Variants in ZNF233 observed in about 807,000 individuals in gnomAD.
The protein encoded by ZNF233 is zinc finger protein 233.
In ZNF233, 7 loss-of-function variants were observed where a neutral mutation model predicts 11.6. The observed-to-expected ratio is 0.60, with a 90% CI of 0.34 to 1.13. The LOEUF is 1.13. ZNF233 is among the 50% of genes most tolerant of loss of function. ZNF233 has a pLI of 0.03. For missense variants in ZNF233, 711 were observed against 785.5 expected, an observed-to-expected ratio of 0.91 and a Z score of 1.13; for synonymous variants, 226 against 268.5, an observed-to-expected ratio of 0.84 and a Z score of 1.55.
intron 4 of ZNF233, chr19:44,267,545 C>A: frequency 5.7e-6 from 2 of 349,152 alleles, no homozygotes; most frequent in East Asian, 4.0e-5. Context: ...TGTATATATA[C>A]ATGTTTTTTT....
Position 44,260,736 on chromosome 19 carries a change from C to T in ZNF233, c.-48+798C>T, listed in dbSNP as rs1974915597. Among the ~76,000 whole-genome samples, 3 of 152,120 alleles carry T rather than the reference C, an allele frequency of 2.0e-5. No individual in the cohort carries two copies. The East Asian group carries it at 5.8e-4, about 29-fold the overall frequency. On this transcript the variant is annotated intron_variant, in intron 1 of 4. Coordinates refer to ENST00000683810, the MANE Select transcript of ZNF233 (RefSeq NM_001207005.2). ...ACCCCCTGGCTCTTGGTAACATTGT[C>T]CCAACGTGAGAGGACTTAATATATG...
chr19:44,264,512 T>C (rs1975015826), intron 2 of ZNF233, 137 bp downstream of exon 2: 2 of 751,064 alleles, frequency 2.7e-6, no homozygotes, highest in Non-Finnish European at 4.1e-6. Context: ...TGATTTTCGA[T>C]TGGTTCAATT....
At chr19:44,267,759 C>T (rs1975131369) in intron 4 of ZNF233, 1 of 210,900 alleles carries the variant, frequency 4.7e-6, no homozygotes, top group Admixed American at 5.9e-5. Flanking sequence ...ATCCTCTTGG[C>T]TCCCAGCCTA....
chr19:44,274,718 T>C lies in ZNF233; in HGVS notation c.*45T>C. The C allele has an allele frequency of 7.0e-7, 1 of 1,438,800 alleles. No individual in the cohort carries two copies. The highest frequency in any genetic ancestry group is 9.4e-7 in the Non-Finnish European group (1 of 1,066,646). The allele number at this position is 1,438,800 out of a possible 1,614,324, so 89.1% of individuals were successfully genotyped here. A position where few individuals can be genotyped will look rare whatever the true frequency, so the allele number is the denominator to read the frequency against. On this transcript the variant is annotated 3_prime_UTR_variant, in exon 5 of 5. Transcript: ENST00000683810. ...CATGATGAGTGTGATAGGGGTGCTC[T>C]TCAAGACTTAGACTTCCCATTTTCC...
Position 44,273,799 on chromosome 19 carries a change from A to T in ZNF233, c.1139A>T (p.His380Leu), listed in dbSNP as rs1248764956. 10 of 1,613,900 alleles carry T rather than the reference A, an allele frequency of 6.2e-6. No homozygotes were observed. The highest frequency in any genetic ancestry group is 7.6e-6 in the Non-Finnish European group (9 of 1,179,990). Reference sequence around the variant, plus strand: ...TGTGGCAGGTGTGGGAAGGGCTTCCATCATAGCTTAGATTTTGACATTCAC... The same window carrying T: ...TGTGGCAGGTGTGGGAAGGGCTTCCTTCATAGCTTAGATTTTGACATTCAC... ...CTCGRCGKGF[H>L]HSLDFDIHCV... The change falls in exon 5 of 5, where the codon CAT becomes CTT. Residue 380 changes from histidine (H) to leucine (L), a missense_variant. Physicochemically the swap from His to Leu is moderately conservative, Grantham distance 99. Coordinates refer to ENST00000683810, the MANE Select transcript of ZNF233 (RefSeq NM_001207005.2).
In ZNF233 at chr19:44,273,287, A is replaced by G; in HGVS notation, c.627A>G (p.Lys209=). 1 of 1,614,096 alleles carries G rather than the reference A, an allele frequency of 6.2e-7. No individual in the cohort carries two copies. The highest frequency in any genetic ancestry group is 2.2e-5 in the East Asian group (1 of 44,878). ...TTGATGTAAAAAATAAGCTCTGTAA[A>G]TGTGATCATTGTGTTAGGCAAAGAA... ...QQIDVKNKLC[K]CDHCVRQRIA... Residue 209 remains lysine, a synonymous_variant, in exon 5 of 5, where the codon AAA becomes AAG. Transcript: ENST00000683810.
rs1450404071 is a variant in ZNF233, at chr19:44,273,850, C to T, written c.1190C>T (p.Ala397Val). The change falls in exon 5 of 5, where the codon GCC becomes GTC. Residue 397 changes from alanine to valine, a missense_variant. Transcript: ENST00000683810. ...TGTGTAGACAGTGCTGGAGAGAGAG[C>T]CTGTAAATGTGATGTATATGATAAA... The part of the protein sequence containing the change: ...IHCVDSAGER[A>V]CKCDVYDKGF... 1 of 1,614,080 alleles carries T rather than the reference C, an allele frequency of 6.2e-7. No homozygotes were observed. The highest frequency in any genetic ancestry group is 2.2e-5 in the East Asian group (1 of 44,884).
At chr19:44,266,362 T>C (rs778841072) in intron 3 of ZNF233, 38 bp downstream of exon 3, 7 of 1,528,176 alleles carry the variant, frequency 4.6e-6, no homozygotes, top group Non-Finnish European at 6.1e-6. Context: ...ATATCAGCCC[T>C]CTGGACTGTC....
rs189211882 is a variant in ZNF233 at position 44,266,082 on chromosome 19, C to T, written c.16-116C>T. On this transcript the variant is annotated intron_variant, in intron 2 of 4. Coordinates refer to ENST00000683810, the MANE Select transcript of ZNF233 (RefSeq NM_001207005.2). ...ACGAGGAAGCTACTTAAAGTTCATTCGAGGCCCTCACAATCCAGAACGTCT... is the reference window on the plus strand; with the variant it reads ...ACGAGGAAGCTACTTAAAGTTCATTTGAGGCCCTCACAATCCAGAACGTCT... 40 of 1,163,414 alleles carry T rather than the reference C, an allele frequency of 3.4e-5. No homozygotes were observed. The East Asian group carries it at 6.0e-4, about 18-fold the overall frequency. The allele number at this position is 1,163,414 out of a possible 1,614,324, so 72.1% of individuals were successfully genotyped here. A position where few individuals can be genotyped will look rare whatever the true frequency, so the allele number is the denominator to read the frequency against.
chr19:44,269,421 G>A (rs533497787), intron 4 of ZNF233, among the ~76,000 whole-genome samples: 6 of 151,688 alleles, frequency 4.0e-5, no homozygotes, highest in East Asian at 3.9e-4. Flanking sequence ...TCAGCCTCCC[G>A]AGTAGCAGGG....
At position 44,273,136 on chromosome 19, in the gene ZNF233, T is replaced by C. The variant is rs1202227995; in HGVS notation, c.476T>C (p.Ile159Thr). The C allele has an allele frequency of 2.5e-6, 4 of 1,613,954 alleles. No homozygotes were observed. Among genetic ancestry groups the C allele is most frequent in the East Asian group, 2.2e-5 (1 of 44,872 alleles). The change falls in exon 5 of 5, where the codon ATA becomes ACA. Residue 159 changes from isoleucine (I) to threonine (T), a missense_variant. Coordinates refer to ENST00000683810, the MANE Select transcript of ZNF233 (RefSeq NM_001207005.2). ...GTCTCTGAAGATGAGAACTATGTAA[T>C]AAAGCTACAAGGGGAGAGTTCAAAT... ...SQVSEDENYV[I>T]KLQGESSNSI...
chr19:44,270,561 A>G (rs1356383457), intron 4 of ZNF233, among the ~76,000 whole-genome samples: 1 of 152,054 alleles, frequency 6.6e-6, no homozygotes, highest in South Asian at 2.1e-4. Flanking sequence ...AACAATGAAC[A>G]TTGGTTTATA....
intron 3 of ZNF233, 140 bp from the exon 4 acceptor site, chr19:44,266,726 A>AATACAT (rs1385428235): frequency 5.3e-6 from 3 of 561,560 alleles, no homozygotes; most frequent in Non-Finnish European, 9.5e-6. Flanking sequence ...CCGGATCACA[A>AATACAT]ATTAAAAGGT....
chr19:44,264,552 G>C (rs372961260), intron 2 of ZNF233, among the ~76,000 whole-genome samples, 177 bp downstream of exon 2: 3 of 151,984 alleles, frequency 2.0e-5, no homozygotes, highest in East Asian at 1.9e-4. Flanking sequence ...TTTTGTTTTG[G>C]TAGTTTTATT....
At chr19:44,266,476 AT>A in intron 3 of ZNF233, 152 bp downstream of exon 3, 1 of 1,070,260 alleles carries the variant, frequency 9.3e-7, no homozygotes, top group Non-Finnish European at 1.3e-6. Context: ...TACCTTGTCT[AT>A]TTTTCTCAAA....
rs899974986 is a variant in ZNF233 at position 44,275,107 on chromosome 19, C to G, written c.*434C>G. The G allele has an allele frequency of 1.0e-5, 4 of 398,696 alleles. No homozygotes were observed. The highest frequency in any genetic ancestry group is 8.2e-5 in the African/African-American group (4 of 48,510). The allele number at this position is 398,696 out of a possible 1,614,324, so 24.7% of individuals were successfully genotyped here. ...GGAACATTGTTTACTGCTGCATGAT[C>G]GTGACCTTGAACAAGTACCTAAGAA... On this transcript the variant is annotated 3_prime_UTR_variant, in exon 5 of 5. Transcript: ENST00000683810.
chr19:44,266,461 G>T, intron 3 of ZNF233, 137 bp downstream of exon 3: 1 of 1,174,050 alleles, frequency 8.5e-7, no homozygotes, highest in Non-Finnish European at 1.1e-6. Context: ...GGGACATCTT[G>T]TCTATACCTT....
chr19:44,264,354 G>A lies in ZNF233; in HGVS notation c.-7G>A. ...ACCCTGCCCTTCCCCAGAAGGAGCA[G>A]GAGAAAATGACCAAGTTTCAGGTGA... On this transcript the variant is annotated 5_prime_UTR_variant, in exon 2 of 5. Transcript: ENST00000683810. The A allele has an allele frequency of 6.2e-7, 1 of 1,613,332 alleles. No homozygotes were observed. Among genetic ancestry groups the A allele is most frequent in the Non-Finnish European group, 8.5e-7 (1 of 1,179,744 alleles).
At chr19:44,268,347 T>G (rs1001507574) in intron 4 of ZNF233, 3 of 152,168 alleles carry the variant, frequency 2.0e-5, no homozygotes, top group Non-Finnish European at 2.9e-5. Context: ...TTTCTTTTCA[T>G]TTTTCTTTTT....
Sources: allele counts gnomAD v4.1 joint callset (sites outside exome capture counted in the v4.1 genomes callset), GRCh38; gene constraint gnomAD v4.1.1; transcripts MANE v1.5; gene names NCBI Gene and HGNC (gene_info 2026-07-23, HGNC 2026-07-21).